Variants in STAT5B observed in about 807,000 individuals in gnomAD.
STAT5B encodes the protein signal transducer and activator of transcription 5B, also known as transcription factor STAT5B.
A neutral mutation model predicts 107.8 loss-of-function variants in STAT5B; 21 were observed. The observed-to-expected ratio is 0.19, with a 90% CI of 0.14 to 0.28. The LOEUF (loss-of-function observed/expected upper bound fraction) is 0.28. STAT5B is among the 10% of genes least tolerant of loss of function. The pLI is 1.00. For missense variants in STAT5B, 565 were observed against 1,008.2 expected (o/e 0.56, Z 5.95); for synonymous variants, 325 against 401.7 (o/e 0.81, Z 2.28).
intron 16 of STAT5B, chr17:42,203,055 GC>G: frequency 3.8e-6 from 2 of 525,140 alleles, no homozygotes; most frequent in South Asian, 3.8e-5. Context: ...TGATTCCGAT[GC>G]CTCAGCCTCC....
intron 3 of STAT5B, among the ~76,000 whole-genome samples, chr17:42,226,744 G>GT (rs1285514174): frequency 1.3e-5 from 2 of 148,766 alleles, no homozygotes; most frequent in African/African-American, 2.5e-5. Flanking sequence ...GGAGGTGGAG[G>GT]TTGCGGTGAG....
At chr17:42,279,513 C>T (rs1230605732), upstream of STAT5B, among the ~76,000 whole-genome samples, 1 of 151,970 alleles carries the variant, frequency 6.6e-6, no homozygotes, top group Non-Finnish European at 1.5e-5. Flanking sequence ...GGGGGCCGGG[C>T]GCAGTGGCTC....
chr17:42,232,391 G>A (rs1383269332), intron 1 of STAT5B, among the ~76,000 whole-genome samples: 8 of 151,962 alleles, frequency 5.3e-5, no homozygotes, highest in Admixed American at 5.2e-4. Context: ...TGGGATTACA[G>A]GGGCACACTA....
At chr17:42,223,705 CACAGGG>C in intron 4 of STAT5B, 149 bp from the exon 5 acceptor site, 1 of 886,834 alleles carries the variant, frequency 1.1e-6, no homozygotes, top group East Asian at 2.6e-5. Flanking sequence ...CATCATGAGA[CACAGGG>C]TGGAGTGGGA....
At chr17:42,261,805 C>G (rs1028025388) in intron 1 of STAT5B, among the ~76,000 whole-genome samples, 5 of 152,170 alleles carry the variant, frequency 3.3e-5, no homozygotes, top group African/African-American at 1.2e-4. Context: ...AGTGATGAGC[C>G]CACCTCAGCC....
rs758668637 is a variant in STAT5B, at chr17:42,238,972, G to A, written c.-10-6835C>T. ...AAAAAAAAAGAAAAAAGAAGAGGCC[G>A]GGTGCGGTGGCTCATGCCTGTAATC... On this transcript the variant is annotated intron_variant, in intron 1 of 18. Transcript: ENST00000293328. Among the ~76,000 whole-genome samples, 7 of 151,148 alleles carry A rather than the reference G, an allele frequency of 4.6e-5. No individual in the cohort carries two copies. In the South Asian group the frequency reaches 6.3e-4, roughly 14 times the overall value.
intron 1 of STAT5B, among the ~76,000 whole-genome samples, chr17:42,232,604 T>A (rs2080326223): frequency 6.6e-6 from 1 of 152,154 alleles, no homozygotes; most frequent in Non-Finnish European, 1.5e-5. Context: ...TTGAACTGAA[T>A]TTTAACTTTA....
chr17:42,201,496 A>G lies in STAT5B; in HGVS notation c.*242T>C, dbSNP rs1398003303. The G allele has an allele frequency of 9.6e-6, 6 of 625,750 alleles. No individual in the cohort carries two copies. The highest frequency in any genetic ancestry group is 2.4e-5 in the Admixed American group (1 of 42,340). The allele number at this position is 625,750 out of a possible 1,614,324, so 38.8% of individuals were successfully genotyped here. On this transcript the variant is annotated 3_prime_UTR_variant, in exon 19 of 19. Coordinates refer to ENST00000293328, the MANE Select transcript of STAT5B (RefSeq NM_012448.4). ...TACAACTAAACTCTCAGACAGTGAGAGGGAGAAACACCATAACGTGCAAAC... is the reference window on the plus strand; with the variant it reads ...TACAACTAAACTCTCAGACAGTGAGGGGGAGAAACACCATAACGTGCAAAC...
chr17:42,209,032 C>CTTT (rs112426873), intron 15 of STAT5B, among the ~76,000 whole-genome samples: 1 of 135,790 alleles, frequency 7.4e-6, no homozygotes. Flanking sequence ...CGCACCCAGC[C>CTTT]TTTTTTTTTT....
chr17:42,285,134 G>A, the STAT5B span, among the ~76,000 whole-genome samples: 1 of 150,894 alleles, frequency 6.6e-6, no homozygotes, highest in African/African-American at 2.4e-5. Context: ...CTGTTGCCCA[G>A]GCTGGAGTGC....
intron 16 of STAT5B, among the ~76,000 whole-genome samples, chr17:42,206,185 G>A (rs895336069): frequency 2.0e-5 from 3 of 151,926 alleles, no homozygotes; most frequent in Non-Finnish European, 4.4e-5. Context: ...TGCCTCCCTG[G>A]TTCAAGCGAT....
intron 3 of STAT5B, 145 bp from the exon 4 acceptor site, chr17:42,225,013 A>G: frequency 1.3e-6 from 1 of 775,062 alleles, no homozygotes. Flanking sequence ...AAGAAGGCAC[A>G]TCATGGAAAT....
At chr17:42,206,866 C>T (rs914372798) in intron 16 of STAT5B, among the ~76,000 whole-genome samples, 27 of 144,244 alleles carry the variant, frequency 1.9e-4, no homozygotes, top group African/African-American at 5.7e-4. Context: ...TGAGCCACCA[C>T]GCCCGACCTT....
chr17:42,210,229 G>A lies in STAT5B; in HGVS notation c.1848C>T (p.Leu616=). 1.2e-6 allele frequency: 2 copies of A among 1,614,200 alleles called. No homozygotes were observed. The highest frequency in any genetic ancestry group is 1.7e-6 in the Non-Finnish European group (2 of 1,180,040). ...CAATTTCTGAGTCACTGAATCTCAG[G>A]AGGAAGGTCCCATCTGGCTTGTTAA... ...LLINKPDGTF[L]LRFSDSEIGG... Residue 616 remains leucine (L), a synonymous_variant, in exon 15 of 19, where the codon CTC becomes CTT. Transcript: ENST00000293328.
chr17:42,247,697 C>T (rs188447406), intron 1 of STAT5B, among the ~76,000 whole-genome samples: 2 of 152,270 alleles, frequency 1.3e-5, no homozygotes, highest in Non-Finnish European at 2.9e-5. Flanking sequence ...CCTGTAATCT[C>T]AGCACTTTGG....
rs1409951917 is a variant in STAT5B at position 42,263,004 on chromosome 17, A to G, written c.-11+13244T>C. Among the ~76,000 whole-genome samples the G allele has an allele frequency of 5.0e-4, 23 of 45,848 alleles. 1 individual carries two copies. Among genetic ancestry groups the G allele is most frequent in the Non-Finnish European group, 7.8e-4 (20 of 25,548 alleles). The allele number at this position is 45,848 out of a possible 152,430, so 30.1% of individuals were successfully genotyped here. ...TATATATATATATATATATATATATATATATATATATAAAAAAACAAAAAC... is the reference window on the plus strand; with the variant it reads ...TATATATATATATATATATATATATGTATATATATATAAAAAAACAAAAAC... On this transcript the variant is annotated intron_variant, in intron 1 of 18. Transcript: ENST00000293328.
At chr17:42,250,080 G>T (rs190425123) in intron 1 of STAT5B, among the ~76,000 whole-genome samples, 9 of 152,294 alleles carry the variant, frequency 5.9e-5, no homozygotes, top group African/African-American at 1.9e-4. Context: ...AAGGGAAAAT[G>T]ATGATTTTAA....
intron 1 of STAT5B, among the ~76,000 whole-genome samples, chr17:42,264,669 C>T (rs2080651733): frequency 6.6e-6 from 1 of 151,378 alleles, no homozygotes; most frequent in Non-Finnish European, 1.5e-5. Flanking sequence ...AATAAACATA[C>T]GTGTGCATGT....
chr17:42,270,785 C>A (rs2080716845), intron 1 of STAT5B: 1 of 152,186 alleles, frequency 6.6e-6, no homozygotes, highest in African/African-American at 2.4e-5. Flanking sequence ...TCAGCCCCGC[C>A]AAGAACAGTA....
Sources: gnomAD v4.1 joint callset for allele counts (sites outside exome capture counted in the v4.1 genomes callset) on GRCh38, gnomAD v4.1.1 for gene constraint, MANE v1.5 for transcripts, NCBI Gene and HGNC (gene_info 2026-07-23, HGNC 2026-07-21) for gene names.